INHBB: variants seen among roughly 807,000 people sequenced by gnomAD.
INHBB encodes inhibin subunit beta B.
Under a neutral mutation model 28.9 loss-of-function variants are expected in INHBB, and 8 were observed. The ratio of observed to expected loss-of-function variants is 0.28; its 90% confidence interval spans 0.16 to 0.50. The LOEUF (loss-of-function observed/expected upper bound fraction) is 0.50, where lower values mean the gene tolerates loss of function less well. INHBB is among the 20% of genes least tolerant of loss of function. INHBB has a pLI of 0.98. For missense variants in INHBB, 499 were observed against 597.8 expected, an observed-to-expected ratio of 0.83 and a Z score of 1.72; for synonymous variants, 293 against 262.7, an observed-to-expected ratio of 1.12 and a Z score of -1.12.
chr2:120,346,445 T>C lies in INHBB; in HGVS notation c.257T>C (p.Leu86Pro). Residue 86 changes from leucine to proline, a missense_variant, in exon 1 of 2, where the codon CTG becomes CCG. Transcript: ENST00000295228. ...EAVKRHILSRLQMRGRPNITH... is the reference protein window; with the variant it reads ...EAVKRHILSRPQMRGRPNITH... Reference sequence around the variant, plus strand: ...GTGAAGCGGCACATCTTGAGCCGCCTGCAGATGCGGGGCCGGCCCAACATC... The same window carrying C: ...GTGAAGCGGCACATCTTGAGCCGCCCGCAGATGCGGGGCCGGCCCAACATC... 1 of 1,555,936 alleles carries C rather than the reference T, an allele frequency of 6.4e-7. No homozygotes were observed.
chr2:120,347,796 C>T (rs1337342467), intron 1 of INHBB, among the ~76,000 whole-genome samples: 2 of 152,180 alleles, frequency 1.3e-5, no homozygotes, highest in Non-Finnish European at 2.9e-5. Flanking sequence ...CAGAGACAAT[C>T]GGGGCTGGTT....
intron 1 of INHBB, among the ~76,000 whole-genome samples, chr2:120,347,400 C>T (rs1007393515): frequency 4.0e-5 from 6 of 148,848 alleles, no homozygotes; most frequent in Non-Finnish European, 7.5e-5. Context: ...AATCCGCCCC[C>T]CCCCCCGGCC....
At chr2:120,347,962 T>A (rs948243799) in intron 1 of INHBB, among the ~76,000 whole-genome samples, 4 of 152,108 alleles carry the variant, frequency 2.6e-5, no homozygotes, top group Admixed American at 1.3e-4. Context: ...TTGGTCCCGG[T>A]GGCACAAAAT....
rs778762025 is a variant in INHBB, at chr2:120,349,346, G to A, written c.696G>A (p.Thr232=). 5.6e-6 allele frequency: 9 copies of A among 1,614,080 alleles called. No individual in the cohort carries two copies. The highest frequency in any genetic ancestry group is 1.7e-5 in the Admixed American group (1 of 60,024). ...GCGGCTGGCATACCTTCCCACTCAC[G>A]GAGGCCATCCAGGCCTTGTTTGAGC... ...KRSGWHTFPL[T]EAIQALFERG... is the part of the protein sequence containing the mutation. Residue 232 remains threonine, a synonymous_variant, in exon 2 of 2, where the codon ACG becomes ACA. Transcript: ENST00000295228. This position sits in a 1 kb window ranked among gnomAD's most constrained non-coding sequence, Gnocchi z 5.6.
rs1182573816 is a variant in INHBB, at chr2:120,351,617, T to C, written c.*1743T>C. 1.3e-5 allele frequency: 2 copies of C among 152,168 alleles called. No homozygotes were observed. The highest frequency in any genetic ancestry group is 6.5e-5 in the Admixed American group (1 of 15,278). 9.4% of individuals were successfully genotyped at this position (152,168 alleles called of 1,614,324 possible). A position where few individuals can be genotyped will look rare whatever the true frequency, so the allele number is the denominator to read the frequency against. Reference sequence around the variant, plus strand: ...TTTCCATCCTTACACACCCAGAAGGTAGAGTAAAAATGACTATGATAGAAT... The same window carrying C: ...TTTCCATCCTTACACACCCAGAAGGCAGAGTAAAAATGACTATGATAGAAT... On this transcript the variant is annotated 3_prime_UTR_variant, in exon 2 of 2. Coordinates refer to ENST00000295228, the MANE Select transcript of INHBB (RefSeq NM_002193.4).
Position 120,346,280 on chromosome 2 carries a change from C to T in INHBB, c.92C>T (p.Thr31Met), listed in dbSNP as rs1691149856. Residue 31 changes from threonine to methionine, a missense_variant, in exon 1 of 2, where the codon ACG becomes ATG. This residue lies in a region of INHBB where 385 missense variants were observed against 415.2 expected (regional missense o/e 0.93). Coordinates refer to ENST00000295228, the MANE Select transcript of INHBB (RefSeq NM_002193.4). ...WLGPEAWGSP[T>M]PPPTPAAPPP... ...GGGCCTGAGGCCTGGGGCTCACCCA[C>T]GCCCCCGCCGACGCCTGCCGCGCCG... The T allele has an allele frequency of 1.5e-6, 2 of 1,364,360 alleles. No individual in the cohort carries two copies. The highest frequency in any genetic ancestry group is 1.5e-5 in the African/African-American group (1 of 64,774). 84.5% of individuals were successfully genotyped at this position (1,364,360 alleles called of 1,614,324 possible). A position where few individuals can be genotyped will look rare whatever the true frequency, so the allele number is the denominator to read the frequency against.
In INHBB at chr2:120,350,368, C is replaced by T. The variant is rs773293640; in HGVS notation, c.*494C>T. On this transcript the variant is annotated 3_prime_UTR_variant, in exon 2 of 2. Coordinates refer to ENST00000295228, the MANE Select transcript of INHBB (RefSeq NM_002193.4). The stretch of plus-strand genomic sequence containing the variant: ...AGATGCAGGGGTGGGGAGCGCAGCT[C>T]GGCGGAGGCTGCGTGTGCCCCGTGG... The T allele has an allele frequency of 7.3e-5, 12 of 163,432 alleles. No homozygotes were observed. Among genetic ancestry groups the T allele is most frequent in the African/African-American group, 1.9e-4 (8 of 41,606 alleles). The allele number at this position is 163,432 out of a possible 1,614,324, so 10.1% of individuals were successfully genotyped here. A position where few individuals can be genotyped will look rare whatever the true frequency, so the allele number is the denominator to read the frequency against.
In INHBB at chr2:120,349,595, C is replaced by T. The variant is rs61737544; in HGVS notation, c.945C>T (p.Ile315=). Residue 315 remains isoleucine (I), a synonymous_variant, in exon 2 of 2, where the codon ATC becomes ATT. Coordinates refer to ENST00000295228, the MANE Select transcript of INHBB (RefSeq NM_002193.4). The surrounding 1 kb of genome is among the most constrained non-coding windows in gnomAD (Gnocchi z 5.6). ...AGTTCTTCATTGACTTCCGCCTCAT[C>T]GGCTGGAACGACTGGATCATAGCAC... is the stretch of plus-strand genomic sequence containing the variant. ...RQQFFIDFRL[I]GWNDWIIAPT... 7.0e-3 allele frequency: 11,272 copies of T among 1,613,972 alleles called. 79 individuals are homozygous for T. The highest frequency in any genetic ancestry group is 0.035 in the Middle Eastern group (211 of 6,062).
In INHBB at chr2:120,349,948, A is replaced by G; in HGVS notation, c.*74A>G. ...TGGGCTTCTTCCAGCCCCCGCGGGA[A>G]CGGGGGTACACGGTGGGCTGAGTAC... On this transcript the variant is annotated 3_prime_UTR_variant, in exon 2 of 2. Transcript: ENST00000295228. The surrounding 1 kb of genome is among the most constrained non-coding windows in gnomAD (Gnocchi z 5.6). The G allele has an allele frequency of 1.4e-6, 2 of 1,411,336 alleles. No homozygotes were observed. The highest frequency in any genetic ancestry group is 3.9e-5 in the Admixed American group (2 of 51,604). 87.4% of individuals were successfully genotyped at this position (1,411,336 alleles called of 1,614,324 possible).
Position 120,349,034 on chromosome 2 carries a change from G to C in INHBB, c.449-65G>C. 2.0e-6 allele frequency: 3 copies of C among 1,514,472 alleles called. No individual in the cohort carries two copies. In the South Asian group the frequency reaches 3.9e-5, roughly 20 times the overall value. The allele number at this position is 1,514,472 out of a possible 1,614,324, so 93.8% of individuals were successfully genotyped here. On this transcript the variant is annotated intron_variant, in intron 1 of 1. Transcript: ENST00000295228. This position sits in a 1 kb window ranked among gnomAD's most constrained non-coding sequence, Gnocchi z 5.6. ...ATTCCAGCATCCTGCAGCAGAGAGT[G>C]TGTTTCCCCCATTGCCTTGTGTTCT...
At position 120,346,561 on chromosome 2, in the gene INHBB, C is replaced by T. The variant is rs923742193; in HGVS notation, c.373C>T (p.His125Tyr). The T allele has an allele frequency of 1.3e-6, 2 of 1,497,436 alleles. No individual in the cohort carries two copies. The highest frequency in any genetic ancestry group is 8.8e-7 in the Non-Finnish European group (1 of 1,130,336). 92.8% of individuals were successfully genotyped at this position (1,497,436 alleles called of 1,614,324 possible). The stretch of plus-strand genomic sequence containing the variant: ...CGAGGACGGCCGCGTGGAGATCCCG[C>T]ACCTCGACGGCCACGCCAGCCCGGG... Reference protein sequence around the residue: ...VREDGRVEIPHLDGHASPGAD... With the variant: ...VREDGRVEIPYLDGHASPGAD... The change falls in exon 1 of 2, where the codon CAC (histidine) becomes TAC (tyrosine). Residue 125 changes from histidine (H) to tyrosine (Y), a missense_variant. This residue lies in a region of INHBB where 385 missense variants were observed against 415.2 expected (regional missense o/e 0.93). Transcript: ENST00000295228.
At position 120,346,560 on chromosome 2, in the gene INHBB, G is replaced by A; in HGVS notation, c.372G>A (p.Pro124=). 1.3e-6 allele frequency: 2 copies of A among 1,496,624 alleles called. No homozygotes were observed. The highest frequency in any genetic ancestry group is 8.9e-7 in the Non-Finnish European group (1 of 1,129,890). 92.7% of individuals were successfully genotyped at this position (1,496,624 alleles called of 1,614,324 possible). A position where few individuals can be genotyped will look rare whatever the true frequency, so the allele number is the denominator to read the frequency against. Reference sequence around the variant, plus strand: ...GCGAGGACGGCCGCGTGGAGATCCCGCACCTCGACGGCCACGCCAGCCCGG... The same window carrying A: ...GCGAGGACGGCCGCGTGGAGATCCCACACCTCGACGGCCACGCCAGCCCGG... ...KVREDGRVEI[P]HLDGHASPGA... is the part of the protein sequence containing the mutation. Residue 124 remains proline, a synonymous_variant, in exon 1 of 2, where the codon CCG becomes CCA. Transcript: ENST00000295228.
rs1002875809 is a variant in INHBB at position 120,346,181 on chromosome 2, G to A, written c.-8G>A. 9.4e-3 allele frequency: 11,047 copies of A among 1,169,920 alleles called. 72 individuals carry two copies. Among genetic ancestry groups the A allele is most frequent in the Non-Finnish European group, 0.011 (10,082 of 949,264 alleles). 72.5% of individuals were successfully genotyped at this position (1,169,920 alleles called of 1,614,324 possible). On this transcript the variant is annotated 5_prime_UTR_variant, in exon 1 of 2. Transcript: ENST00000295228. ...CGCGGCGGGCGCCCTCGTCGCCAGC[G>A]GCGCACCATGGACGGGCTGCCCGGT...
Position 120,346,355 on chromosome 2 carries a change from C to A in INHBB, c.167C>A (p.Thr56Lys), listed in dbSNP as rs1691152085. The A allele has an allele frequency of 2.0e-6, 3 of 1,470,632 alleles. No individual in the cohort carries two copies. The highest frequency in any genetic ancestry group is 2.7e-6 in the Non-Finnish European group (3 of 1,117,318). The allele number at this position is 1,470,632 out of a possible 1,614,324, so 91.1% of individuals were successfully genotyped here. The change falls in exon 1 of 2, where the codon ACG becomes AAG. Residue 56 changes from threonine (T) to lysine (K), a missense_variant. Transcript: ENST00000295228. ...CCGGGTGGCTCGCAGGACACCTGTA[C>A]GTCGTGCGGCGGCTTCCGGCGGCCA... is the stretch of plus-strand genomic sequence containing the variant. ...GSPGGSQDTC[T>K]SCGGFRRPEE...
At chr2:120,348,222 G>GA (rs71396084) in intron 1 of INHBB, among the ~76,000 whole-genome samples, 39,813 of 77,702 alleles carry the variant, frequency 0.51, 10,195 homozygotes, top group Middle Eastern at 0.6. Flanking sequence ...TGTTCTTCCT[G>GA]AAAAAAAAAA....
Position 120,349,231 on chromosome 2 carries a change from G to A in INHBB, c.581G>A (p.Arg194Gln), listed in dbSNP as rs769423198. 5.6e-6 allele frequency: 9 copies of A among 1,614,042 alleles called. No homozygotes were observed. Among genetic ancestry groups the A allele is most frequent in the East Asian group, 2.2e-5 (1 of 44,896 alleles). ...CCCTACGTCCTGGAGAAGGGCAGCC[G>A]GCGGAAGGTGCGGGTCAAAGTGTAC... ...LLPYVLEKGS[R>Q]RKVRVKVYFQ... Residue 194 changes from arginine (R) to glutamine (Q), a missense_variant, in exon 2 of 2, where the codon CGG (arginine) becomes CAG (glutamine). Physicochemically the swap from Arg to Gln is conservative, Grantham distance 43. This residue lies in a region of INHBB where 385 missense variants were observed against 415.2 expected (regional missense o/e 0.93). Coordinates refer to ENST00000295228, the MANE Select transcript of INHBB (RefSeq NM_002193.4). This position sits in a 1 kb window ranked among gnomAD's most constrained non-coding sequence, Gnocchi z 5.6.
At position 120,348,221 on chromosome 2, in the gene INHBB, T is replaced by TG. The variant is rs1266299953; in HGVS notation, c.449-877dup. ...ACAGAGTTTCATTATTTGTTCTTCC[T>TG]GAAAAAAAAAAAAAAAAAAAAAAGG... On this transcript the variant is annotated intron_variant, in intron 1 of 1. Coordinates refer to ENST00000295228, the MANE Select transcript of INHBB (RefSeq NM_002193.4). Among the ~76,000 whole-genome samples, 48 of 27,348 alleles carry TG rather than the reference T, an allele frequency of 1.8e-3. No homozygotes were observed. The African/African-American group carries it at 0.02, about 12-fold the overall frequency. 17.9% of individuals were successfully genotyped at this position (27,348 alleles called of 152,430 possible).
At position 120,346,338 on chromosome 2, in the gene INHBB, C is replaced by G; in HGVS notation, c.150C>G (p.Gly50=). ...CCCCGCCACCCGGATCCCCGGGTGGCTCGCAGGACACCTGTACGTCGTGCG... is the reference window on the plus strand; with the variant it reads ...CCCCGCCACCCGGATCCCCGGGTGGGTCGCAGGACACCTGTACGTCGTGCG... ...PPPPPPGSPG[G]SQDTCTSCGG... is the part of the protein sequence containing the mutation. The change falls in exon 1 of 2, where the codon GGC becomes GGG. Residue 50 remains glycine, a synonymous_variant. Transcript: ENST00000295228. 3 of 1,394,386 alleles carry G rather than the reference C, an allele frequency of 2.2e-6. No individual in the cohort carries two copies. The highest frequency in any genetic ancestry group is 2.8e-6 in the Non-Finnish European group (3 of 1,081,024). The allele number at this position is 1,394,386 out of a possible 1,614,324, so 86.4% of individuals were successfully genotyped here.
chr2:120,348,419 G>C (rs1691199458), intron 1 of INHBB, among the ~76,000 whole-genome samples: 1 of 151,936 alleles, frequency 6.6e-6, no homozygotes, highest in Admixed American at 6.6e-5. Context: ...GGGAGCCAGA[G>C]TCTTGTCAAA....
Sources: gnomAD v4.1 joint callset for allele counts (sites outside exome capture counted in the v4.1 genomes callset) on GRCh38, gnomAD v4.1.1 for gene constraint, gnomAD v4.1.1 regional missense constraint, Gnocchi (gnomAD v3.1) non-coding constraint, MANE v1.5 for transcripts, NCBI Gene and HGNC (gene_info 2026-07-23, HGNC 2026-07-21) for gene names.